FER: variants seen among roughly 807,000 people sequenced by gnomAD.
FER encodes the protein tyrosine-protein kinase Fer.
A neutral mutation model predicts 111.0 loss-of-function variants in FER; 63 were observed. The observed-to-expected ratio is 0.57, with a 90% CI of 0.46 to 0.70. FER has a LOEUF of 0.70. FER is among the 30% of genes least tolerant of loss of function. The pLI is 0.00. For missense variants in FER, 914 were observed against 954.0 expected (o/e 0.96, Z 0.55); for synonymous variants, 327 against 313.9 (o/e 1.04, Z -0.44).
intron 17 of FER, among the ~76,000 whole-genome samples, chr5:109,146,892 A>G (rs1440335680): frequency 6.6e-6 from 1 of 152,062 alleles, no homozygotes; most frequent in Non-Finnish European, 1.5e-5. Context: ...AAAAAATAAT[A>G]ATAGAGAAGA....
At chr5:108,845,854 C>G (rs72791989) in intron 5 of FER, among the ~76,000 whole-genome samples, 3,144 of 152,256 alleles carry the variant, frequency 0.021, 40 homozygotes, top group Non-Finnish European at 0.032. Flanking sequence ...CTTTCTGCAT[C>G]TATTGAGATA....
chr5:108,881,056 A>G (rs1225064489), intron 8 of FER, among the ~76,000 whole-genome samples: 16 of 152,132 alleles, frequency 1.1e-4, no homozygotes, highest in Admixed American at 1.0e-3. Flanking sequence ...TTGGACTTAA[A>G]TCACTCCCTA....
chr5:108,750,446 T>A (rs889247522), intron 1 of FER, among the ~76,000 whole-genome samples: 3 of 152,216 alleles, frequency 2.0e-5, no homozygotes, highest in African/African-American at 7.2e-5. Flanking sequence ...GCCAAGAGAA[T>A]TATGCTTCCA....
intron 1 of FER, among the ~76,000 whole-genome samples, chr5:108,767,779 G>A (rs1050924636): frequency 6.6e-6 from 1 of 152,202 alleles, no homozygotes; most frequent in African/African-American, 2.4e-5. Flanking sequence ...ACTGTGCCTG[G>A]TGTGTTTCAA....
intron 17 of FER, among the ~76,000 whole-genome samples, chr5:109,102,190 CT>C (rs1582036890): frequency 6.6e-6 from 1 of 152,072 alleles, no homozygotes; most frequent in Non-Finnish European, 1.5e-5. Flanking sequence ...ATAATATTAT[CT>C]GCTGTAATGT....
chr5:108,866,774 A>G (rs559801829), intron 5 of FER, among the ~76,000 whole-genome samples: 27 of 152,248 alleles, frequency 1.8e-4, no homozygotes, highest in African/African-American at 5.5e-4. Flanking sequence ...TGAACAGTTT[A>G]TTTTCTGAGT....
In FER at chr5:109,156,521, C is replaced by G. The variant is rs576990770; in HGVS notation, c.2049-24226C>G. 7.8e-4 allele frequency among the ~76,000 whole-genome samples: 119 copies of G among 151,920 alleles called. 2 individuals carry two copies. The South Asian group carries it at 0.023, about 30-fold the overall frequency. Reference sequence around the variant, plus strand: ...AGGAATTTAGGGCAGAGATCTAGGTCTAGATCTCTAGGAGTCATGAGCATA... The same window carrying G: ...AGGAATTTAGGGCAGAGATCTAGGTGTAGATCTCTAGGAGTCATGAGCATA... On this transcript the variant is annotated intron_variant, in intron 17 of 19. Transcript: ENST00000281092.
chr5:109,023,797 T>TTGAA (rs768024336), intron 13 of FER, among the ~76,000 whole-genome samples: 1 of 152,034 alleles, frequency 6.6e-6, no homozygotes, highest in Non-Finnish European at 1.5e-5. Flanking sequence ...TACTTGTTGA[T>TTGAA]TGAATGAATG....
At chr5:108,802,335 A>G (rs1232148113) in intron 3 of FER, among the ~76,000 whole-genome samples, 1 of 152,170 alleles carries the variant, frequency 6.6e-6, no homozygotes, top group African/African-American at 2.4e-5. Flanking sequence ...TAAAAATGAT[A>G]TACATTTTAA....
chr5:108,819,796 A>G (rs1758656650), intron 3 of FER: 2 of 985,028 alleles, frequency 2.0e-6, no homozygotes, highest in Admixed American at 6.1e-5. Flanking sequence ...TGTCTTGAGT[A>G]TATAGATTAG....
At chr5:109,125,313 A>G (rs1452137598) in intron 17 of FER, among the ~76,000 whole-genome samples, 2 of 152,132 alleles carry the variant, frequency 1.3e-5, no homozygotes, top group African/African-American at 2.4e-5. Context: ...TATTATTTGG[A>G]TAATTCCATA....
intron 17 of FER, among the ~76,000 whole-genome samples, chr5:109,174,554 A>G (rs964105478): frequency 2.6e-5 from 4 of 152,176 alleles, no homozygotes; most frequent in Non-Finnish European, 5.9e-5. Flanking sequence ...ACTGTGTGCA[A>G]AATTTTGCCA....
At chr5:109,004,752 C>T (rs910248295) in intron 13 of FER, among the ~76,000 whole-genome samples, 22 of 152,088 alleles carry the variant, frequency 1.4e-4, no homozygotes, top group African/African-American at 5.1e-4. Flanking sequence ...ACAAAAAAGT[C>T]AAAAGTATGT....
chr5:108,951,489 T>G (rs761703902), intron 11 of FER, among the ~76,000 whole-genome samples: 1 of 152,172 alleles, frequency 6.6e-6, no homozygotes, highest in South Asian at 2.1e-4. Flanking sequence ...TAAAATCTTA[T>G]GAATTACTCT....
rs1554084619 is a variant in FER, at chr5:108,879,701, A to ATATATAT, written c.924-3695_924-3694insTATATAT. The stretch of plus-strand genomic sequence containing the variant: ...ATGTATTTTTTTTAGATTAAAAAAA[A>ATATATAT]ATATATATATATATATATATATATT... On this transcript the variant is annotated intron_variant, in intron 8 of 19. Coordinates refer to ENST00000281092, the MANE Select transcript of FER (RefSeq NM_005246.4). 4.5e-3 allele frequency among the ~76,000 whole-genome samples: 448 copies of ATATATAT among 99,076 alleles called. 9 individuals carry two copies. The highest frequency in any genetic ancestry group is 0.02 in the African/African-American group (413 of 20,882). 65.0% of individuals were successfully genotyped at this position (99,076 alleles called of 152,430 possible).
chr5:109,058,893 C>T lies in FER; in HGVS notation c.1924+11695C>T, dbSNP rs1038183745. Among the ~76,000 whole-genome samples the T allele has an allele frequency of 5.0e-4, 76 of 151,586 alleles. 1 individual carries two copies. Among genetic ancestry groups the T allele is most frequent in the African/African-American group, 1.8e-3 (73 of 41,360 alleles). ...GATTATAGGAGCCCACCACCATGCC[C>T]GGCTAATTTTTGTATTTTTTAGTTT... On this transcript the variant is annotated intron_variant, in intron 16 of 19. Coordinates refer to ENST00000281092, the MANE Select transcript of FER (RefSeq NM_005246.4).
chr5:109,119,742 G>T (rs1285506403), intron 17 of FER, among the ~76,000 whole-genome samples: 1 of 151,948 alleles, frequency 6.6e-6, no homozygotes, highest in Non-Finnish European at 1.5e-5. Context: ...TACAGATAGT[G>T]TACCAAGAGT....
chr5:108,814,355 G>C (rs1381184019), intron 3 of FER, among the ~76,000 whole-genome samples: 1 of 152,114 alleles, frequency 6.6e-6, no homozygotes, highest in African/African-American at 2.4e-5. Context: ...GCAAAAGCAG[G>C]TTTATTAAGA....
At chr5:108,922,034 A>G (rs543435557) in intron 10 of FER, among the ~76,000 whole-genome samples, 1 of 152,304 alleles carries the variant, frequency 6.6e-6, no homozygotes, top group Admixed American at 6.5e-5. Context: ...AGAAGAGAAG[A>G]GAGGCTGACA....
Sources: gnomAD v4.1 joint callset for allele counts (sites outside exome capture counted in the v4.1 genomes callset) on GRCh38, gnomAD v4.1.1 for gene constraint, MANE v1.5 for transcripts, NCBI Gene and HGNC (gene_info 2026-07-23, HGNC 2026-07-21) for gene names.